Variants in NAV2 observed in about 807,000 individuals in gnomAD.
The protein encoded by NAV2 is neuron navigator 2.
In NAV2, 54 loss-of-function variants were observed where a neutral mutation model predicts 223.2. The observed-to-expected ratio is 0.24, with a 90% CI of 0.19 to 0.30. NAV2 has a LOEUF of 0.30. Ranked by LOEUF, NAV2 falls within the 10% of genes least tolerant of loss-of-function variation. The probability of loss-of-function intolerance (pLI) is 1.00; values close to 1 mark genes in which losing one functional copy is unlikely to be tolerated. For missense variants in NAV2, 2,806 were observed against 3,147.5 expected, an observed-to-expected ratio of 0.89 and a Z score of 2.60; for synonymous variants, 1,279 against 1,239.3, an observed-to-expected ratio of 1.03 and a Z score of -0.67.
intron 1 of NAV2, among the ~76,000 whole-genome samples, chr11:19,774,449 T>C (rs1161030403): frequency 6.6e-6 from 1 of 152,220 alleles, no homozygotes; most frequent in African/African-American, 2.4e-5. Flanking sequence ...AGTGCTAGGA[T>C]TACAGGTGTG....
intron 11 of NAV2, among the ~76,000 whole-genome samples, chr11:19,995,647 C>T (rs993519378): frequency 2.0e-5 from 3 of 152,142 alleles, no homozygotes; most frequent in Admixed American, 6.5e-5. Context: ...AGGACAGCTG[C>T]GGTGGAGAGT....
intron 6 of NAV2, among the ~76,000 whole-genome samples, chr11:19,932,291 T>A (rs2045445704): frequency 6.6e-6 from 1 of 151,422 alleles, no homozygotes; most frequent in African/African-American, 2.4e-5. Flanking sequence ...AAGCTGTTTT[T>A]AAGTCCAACC....
At chr11:19,834,231 AT>A (rs1055068088) in intron 2 of NAV2, among the ~76,000 whole-genome samples, 6 of 151,808 alleles carry the variant, frequency 4.0e-5, no homozygotes, top group African/African-American at 1.5e-4. Context: ...ACTATCTCTC[AT>A]TTTCTCAAAA....
At chr11:19,609,414 T>A (rs2046569928) in intron 1 of NAV2, among the ~76,000 whole-genome samples, 1 of 151,670 alleles carries the variant, frequency 6.6e-6, no homozygotes, top group South Asian at 2.1e-4. Flanking sequence ...AGAAACACAA[T>A]GAACACCTTC....
chr11:20,000,997 C>T (rs1268101750), intron 11 of NAV2, among the ~76,000 whole-genome samples: 1 of 152,144 alleles, frequency 6.6e-6, no homozygotes, highest in Non-Finnish European at 1.5e-5. Flanking sequence ...TGCTGAAAAC[C>T]CTTTGTGGCT....
intron 26 of NAV2, among the ~76,000 whole-genome samples, chr11:20,085,004 T>C (rs1867121): frequency 0.88 from 133,146 of 151,914 alleles, 58,477 homozygotes; most frequent in East Asian, 0.95. Flanking sequence ...GCCTGGTCAA[T>C]ATAGTGAGAC....
At chr11:19,684,008 A>G (rs918050958) in intron 1 of NAV2, among the ~76,000 whole-genome samples, 6 of 152,196 alleles carry the variant, frequency 3.9e-5, no homozygotes, top group African/African-American at 1.2e-4. Context: ...TTCCTTACTA[A>G]GATAATTGAG....
Position 20,045,080 on chromosome 11 carries a change from G to A in NAV2, c.3312G>A (p.Lys1104=), listed in dbSNP as rs201583996. 1.9e-6 allele frequency: 3 copies of A among 1,614,134 alleles called. No homozygotes were observed. The highest frequency in any genetic ancestry group is 2.7e-5 in the African/African-American group (2 of 75,036). Residue 1104 remains lysine (K), a synonymous_variant, in exon 14 of 38, where the codon AAG becomes AAA. Coordinates refer to ENST00000349880, the MANE Select transcript of NAV2 (RefSeq NM_145117.5). ...GGAGCAGTGGTGACGAATCCAAAAA[G>A]CCCCTCCCCAGCAGCTCTAGGACAC... ...AGRSSGDESK[K]PLPSSSRTPT...
intron 30 of NAV2, among the ~76,000 whole-genome samples, 196 bp downstream of exon 30, chr11:20,095,963 G>A (rs147507149): frequency 8.5e-5 from 13 of 152,276 alleles, no homozygotes; most frequent in South Asian, 2.1e-4. Context: ...ACTGGTCATC[G>A]GCCAAATTCT....
intron 1 of NAV2, among the ~76,000 whole-genome samples, chr11:19,533,485 C>G (rs759580165): frequency 9.2e-5 from 14 of 152,168 alleles, no homozygotes; most frequent in Non-Finnish European, 1.9e-4. Flanking sequence ...CATGTCCACA[C>G]ATGTCCTGGG....
intron 1 of NAV2, among the ~76,000 whole-genome samples, chr11:19,686,961 T>A (rs2049041147): frequency 6.6e-6 from 1 of 152,314 alleles, no homozygotes; most frequent in South Asian, 2.1e-4. Flanking sequence ...ATTTTACAGA[T>A]GAGGAAACTG....
chr11:19,598,030 G>A (rs531185770), intron 1 of NAV2, among the ~76,000 whole-genome samples: 1 of 152,384 alleles, frequency 6.6e-6, no homozygotes, highest in East Asian at 1.9e-4. Context: ...CATGCCAATG[G>A]CATGCCCTTC....
intron 1 of NAV2, among the ~76,000 whole-genome samples, chr11:19,386,929 G>T (rs939636775): frequency 6.6e-6 from 1 of 152,144 alleles, no homozygotes; most frequent in African/African-American, 2.4e-5. Flanking sequence ...TTGGGGTAAA[G>T]TATAGGCAAA....
intron 1 of NAV2, among the ~76,000 whole-genome samples, chr11:19,788,447 C>T (rs1200952096): frequency 6.6e-6 from 1 of 152,182 alleles, no homozygotes; most frequent in African/African-American, 2.4e-5. Flanking sequence ...CCGTTTGAGC[C>T]TCCCCAGTAG....
chr11:19,865,962 G>A (rs550912770), intron 3 of NAV2, among the ~76,000 whole-genome samples: 15 of 152,312 alleles, frequency 9.8e-5, no homozygotes, highest in Admixed American at 9.8e-4. Context: ...ATGTATGACA[G>A]GGAGGAGGAC....
At chr11:20,106,001 C>T (rs2062001005) in intron 35 of NAV2, among the ~76,000 whole-genome samples, 1 of 151,320 alleles carries the variant, frequency 6.6e-6, no homozygotes, top group South Asian at 2.1e-4. Flanking sequence ...AAGCTACCCT[C>T]TGGGATTGGC....
chr11:19,443,470 C>G (rs1174777794), intron 1 of NAV2, among the ~76,000 whole-genome samples: 1 of 152,230 alleles, frequency 6.6e-6, no homozygotes, highest in Non-Finnish European at 1.5e-5. Context: ...CCTTGCAAAT[C>G]TTTTGCAGAA....
intron 1 of NAV2, among the ~76,000 whole-genome samples, chr11:19,452,908 T>C (rs2133803705): frequency 6.6e-6 from 1 of 152,352 alleles, no homozygotes; most frequent in Admixed American, 6.5e-5. Flanking sequence ...TAAATAGTGG[T>C]TACTATATGT....
intron 1 of NAV2, among the ~76,000 whole-genome samples, chr11:19,654,964 A>G (rs1300210680): frequency 1.3e-5 from 2 of 152,140 alleles, no homozygotes; most frequent in African/African-American, 4.8e-5. Flanking sequence ...AACCTACAGA[A>G]TGGGAGAAAA....
Sources: allele counts gnomAD v4.1 joint callset (sites outside exome capture counted in the v4.1 genomes callset), GRCh38; gene constraint gnomAD v4.1.1; transcripts MANE v1.5; gene names NCBI Gene and HGNC (gene_info 2026-07-23, HGNC 2026-07-21).